The following FANCC variants were observed in gnomAD, a reference collection of about 807,000 sequenced individuals.
The protein encoded by FANCC is FA complementation group C, also known as Fanconi anemia group C protein.
Under a neutral mutation model 71.3 loss-of-function variants are expected in FANCC, and 55 were observed. The observed-to-expected ratio is 0.77, with a 90% CI of 0.62 to 0.97. The LOEUF (loss-of-function observed/expected upper bound fraction) is 0.97, where lower values mean the gene tolerates loss of function less well. Among genes scored for constraint, FANCC ranks in the 50% least tolerant of loss-of-function variants. The pLI is 0.00. For missense variants in FANCC, 678 were observed against 670.9 expected, an observed-to-expected ratio of 1.01 and a Z score of -0.12; for synonymous variants, 275 against 244.9, an observed-to-expected ratio of 1.12 and a Z score of -1.15.
At chr9:95,198,075 T>TTAAA (rs1808579232) in intron 4 of FANCC, among the ~76,000 whole-genome samples, 1 of 152,176 alleles carries the variant, frequency 6.6e-6, no homozygotes, top group South Asian at 2.1e-4. Flanking sequence ...GCCAGAGTCT[T>TTAAA]GGCTCAGAGG....
intron 4 of FANCC, among the ~76,000 whole-genome samples, chr9:95,229,181 C>T (rs1829823873): frequency 6.6e-6 from 1 of 151,812 alleles, no homozygotes; most frequent in Admixed American, 6.6e-5. Flanking sequence ...GCCTGTAATC[C>T]CAGCTACTTG....
intron 10 of FANCC, chr9:95,123,531 A>G: frequency 2.0e-6 from 1 of 512,348 alleles, no homozygotes; most frequent in East Asian, 5.2e-5. Flanking sequence ...ATGATGAAAA[A>G]AAGAAGGAAC....
chr9:95,246,859 A>G (rs1831010954), intron 3 of FANCC, among the ~76,000 whole-genome samples: 1 of 152,204 alleles, frequency 6.6e-6, no homozygotes, highest in Non-Finnish European at 1.5e-5. Context: ...TGGACAGCAG[A>G]CAGGAGCTCA....
chr9:95,264,152 A>G (rs566984744), intron 1 of FANCC, among the ~76,000 whole-genome samples: 2 of 152,294 alleles, frequency 1.3e-5, no homozygotes, highest in Admixed American at 1.3e-4. Flanking sequence ...TTAATCCCTT[A>G]ACACCATTCT....
rs73654537 is a variant in FANCC, at chr9:95,171,722, A to T, written c.456+315T>A. Among the ~76,000 whole-genome samples, 569 of 152,346 alleles carry T rather than the reference A, an allele frequency of 3.7e-3. 2 individuals are homozygous for T. Among genetic ancestry groups the T allele is most frequent in the African/African-American group, 0.013 (555 of 41,582 alleles). ...ATTTGAAATACAAGATTCTTTCAACAGTACAAGACTGTGTTTATAATAGCT... is the reference window on the plus strand; with the variant it reads ...ATTTGAAATACAAGATTCTTTCAACTGTACAAGACTGTGTTTATAATAGCT... On this transcript the variant is annotated intron_variant, in intron 5 of 14. Coordinates refer to ENST00000289081, the MANE Select transcript of FANCC (RefSeq NM_000136.3).
rs112446681 is a variant in FANCC, at chr9:95,111,288, G to A, written c.1329+175C>T. 1,297 of 1,569,554 alleles carry A rather than the reference G, an allele frequency of 8.3e-4. 9 individuals are homozygous for A. In the African/African-American group the frequency reaches 0.014, roughly 17 times the overall value. Reference sequence around the variant, plus strand: ...GCCACCTCGGTGGGGACAGGAGAACGCCTCTGACCACAAGGCTGGAGATCA... The same window carrying A: ...GCCACCTCGGTGGGGACAGGAGAACACCTCTGACCACAAGGCTGGAGATCA... On this transcript the variant is annotated intron_variant, in intron 13 of 14. Coordinates refer to ENST00000289081, the MANE Select transcript of FANCC (RefSeq NM_000136.3).
At chr9:95,112,006 G>A (rs561187991) in intron 12 of FANCC, among the ~76,000 whole-genome samples, 4 of 152,344 alleles carry the variant, frequency 2.6e-5, no homozygotes, top group Admixed American at 2.6e-4. Flanking sequence ...GAAAGAGGTG[G>A]AGGGTAGGAC....
At chr9:95,270,328 G>A (rs1049864018) in intron 1 of FANCC, among the ~76,000 whole-genome samples, 3 of 152,104 alleles carry the variant, frequency 2.0e-5, no homozygotes, top group East Asian at 1.9e-4. Flanking sequence ...AGGCCAACAC[G>A]AGAGGGGAGC....
intron 1 of FANCC, among the ~76,000 whole-genome samples, chr9:95,267,156 G>A (rs954357285): frequency 5.3e-5 from 8 of 152,144 alleles, no homozygotes; most frequent in African/African-American, 1.9e-4. Context: ...TCTTAGAAGG[G>A]TTGGGGGCTA....
chr9:95,199,450 C>T (rs184576678), intron 4 of FANCC, among the ~76,000 whole-genome samples: 3 of 152,106 alleles, frequency 2.0e-5, no homozygotes, highest in Non-Finnish European at 4.4e-5. Flanking sequence ...TACTAAAGCC[C>T]GAATTGCTCT....
chr9:95,216,474 G>T (rs138107220), intron 4 of FANCC, among the ~76,000 whole-genome samples: 1 of 152,120 alleles, frequency 6.6e-6, no homozygotes, highest in Non-Finnish European at 1.5e-5. Context: ...CACTATTATT[G>T]GTAGACAATT....
At chr9:95,224,628 C>T (rs1222313980) in intron 4 of FANCC, among the ~76,000 whole-genome samples, 2 of 152,144 alleles carry the variant, frequency 1.3e-5, no homozygotes, top group Non-Finnish European at 2.9e-5. Context: ...CTATCACCCC[C>T]GCTCCCCAGC....
In FANCC at chr9:95,308,576, T is replaced by C. The variant is rs900925232; in HGVS notation, c.-79+8950A>G. On this transcript the variant is annotated intron_variant, in intron 1 of 14. Coordinates refer to ENST00000289081, the MANE Select transcript of FANCC (RefSeq NM_000136.3). ...GCTGGGATTACAGGCAGGAGCTACC[T>C]TGCCCAGCCGACCTGCATCCTTGAC... Among the ~76,000 whole-genome samples the C allele has an allele frequency of 4.0e-5, 6 of 151,244 alleles. No homozygotes were observed. The East Asian group carries it at 9.7e-4, about 25-fold the overall frequency.
chr9:95,142,221 G>A (rs1828862805), intron 7 of FANCC, among the ~76,000 whole-genome samples: 1 of 151,956 alleles, frequency 6.6e-6, no homozygotes, highest in Admixed American at 6.6e-5. Context: ...TTAAATTCCT[G>A]ACCTCAGGTG....
At chr9:95,166,335 T>C (rs1158505433) in intron 6 of FANCC, among the ~76,000 whole-genome samples, 3 of 152,084 alleles carry the variant, frequency 2.0e-5, no homozygotes, top group Non-Finnish European at 4.4e-5. Context: ...TTTCATTGAT[T>C]TTTTTCATAG....
At chr9:95,103,795 C>T (rs767215660) in intron 14 of FANCC, among the ~76,000 whole-genome samples, 1 of 152,240 alleles carries the variant, frequency 6.6e-6, no homozygotes, top group Non-Finnish European at 1.5e-5. Flanking sequence ...AGAGGCCACA[C>T]AGGAGGCAGG....
intron 13 of FANCC, chr9:95,111,055 C>A: frequency 6.8e-7 from 1 of 1,475,484 alleles, no homozygotes; most frequent in South Asian, 1.4e-5. Context: ...CAAGCCCTGG[C>A]CGGGCTGCTG....
chr9:95,120,816 G>GTT (rs1232359516), intron 10 of FANCC, among the ~76,000 whole-genome samples: 1 of 152,130 alleles, frequency 6.6e-6, no homozygotes, highest in Non-Finnish European at 1.5e-5. Flanking sequence ...TAATGTCATT[G>GTT]TTGGTAGTTT....
At chr9:95,181,111 T>G (rs377766359) in intron 4 of FANCC, among the ~76,000 whole-genome samples, 14 of 151,162 alleles carry the variant, frequency 9.3e-5, no homozygotes, top group African/African-American at 2.9e-4. Context: ...TACCTAACCT[T>G]TCTCTCTCCT....
Sources: allele counts gnomAD v4.1 joint callset (sites outside exome capture counted in the v4.1 genomes callset), GRCh38; gene constraint gnomAD v4.1.1; transcripts MANE v1.5; gene names NCBI Gene and HGNC (gene_info 2026-07-23, HGNC 2026-07-21).